The following ATXN7L1 variants were observed in gnomAD, a reference collection of about 807,000 sequenced individuals.
ATXN7L1 encodes ataxin-7-like protein 1.
ATXN7L1 carries 15 observed loss-of-function variants against 70.8 expected under a neutral mutation model. The observed-to-expected ratio is 0.21, with a 90% CI of 0.14 to 0.33. ATXN7L1 has a LOEUF of 0.33. ATXN7L1 is among the 10% of genes least tolerant of loss of function. The pLI is 1.00. For synonymous variants in ATXN7L1, 440 were observed against 445.1 expected (o/e 0.99, Z 0.14); for missense variants, 975 against 1,097.1 (o/e 0.89, Z 1.57).
intron 2 of ATXN7L1, among the ~76,000 whole-genome samples, chr7:105,836,738 G>C (rs924559225): frequency 8.5e-5 from 13 of 152,156 alleles, no homozygotes; most frequent in African/African-American, 3.1e-4. Context: ...CTGCTATAAA[G>C]AAATACCCGA....
chr7:105,772,592 A>G (rs1373030175), intron 3 of ATXN7L1, among the ~76,000 whole-genome samples: 1 of 152,198 alleles, frequency 6.6e-6, no homozygotes, highest in Non-Finnish European at 1.5e-5. Flanking sequence ...AAAAGACCTC[A>G]CAATTAAGCT....
chr7:105,731,756 A>AAGAAAAGAAAAGAAAAGAGAAG (rs879369717), intron 3 of ATXN7L1, among the ~76,000 whole-genome samples: 2 of 142,594 alleles, frequency 1.4e-5, no homozygotes, highest in South Asian at 2.3e-4. Flanking sequence ...TTAAAAAGAA[A>AAGAAAAGAAAAGAAAAGAGAAG]AGAAAAGAAA....
At chr7:105,781,377 T>G (rs541988222) in intron 3 of ATXN7L1, among the ~76,000 whole-genome samples, 11 of 152,360 alleles carry the variant, frequency 7.2e-5, no homozygotes, top group Admixed American at 5.2e-4. Flanking sequence ...CCAAATTGAC[T>G]GAAAATACAC....
At position 105,762,549 on chromosome 7, in the gene ATXN7L1, C is replaced by T. The variant is rs142711214; in HGVS notation, c.355+26055G>A. Among the ~76,000 whole-genome samples, 8 of 152,288 alleles carry T rather than the reference C, an allele frequency of 5.3e-5. No individual in the cohort carries two copies. In the East Asian group the frequency reaches 7.7e-4, roughly 15 times the overall value. On this transcript the variant is annotated intron_variant, in intron 3 of 11. Transcript: ENST00000419735. ...CCAAGCCCATGGAGAGTTTCTAATG[C>T]CCCTTCCCCTACCCAATCACCTTTC...
rs575670394 is a variant in ATXN7L1, at chr7:105,679,232, C to T, written c.356-13944G>A. The T allele has an allele frequency of 2.7e-4, 218 of 816,832 alleles. 1 individual carries two copies. The African/African-American group carries it at 3.8e-3, about 14-fold the overall frequency. 50.6% of individuals were successfully genotyped at this position (816,832 alleles called of 1,614,324 possible). On this transcript the variant is annotated intron_variant, in intron 3 of 11. Transcript: ENST00000419735. Reference sequence around the variant, plus strand: ...TTAGGGAAAGGCAGAAAGAAAAGCCCGGAACAGTCAGGGTTGTATCCTGAA... The same window carrying T: ...TTAGGGAAAGGCAGAAAGAAAAGCCTGGAACAGTCAGGGTTGTATCCTGAA...
chr7:105,623,439 C>A (rs1434644202), intron 8 of ATXN7L1, among the ~76,000 whole-genome samples: 2 of 152,188 alleles, frequency 1.3e-5, no homozygotes, highest in Non-Finnish European at 2.9e-5. Flanking sequence ...ACTAAGGTCC[C>A]ACCTCAGTGT....
At chr7:105,685,103 CCAGA>C (rs1025193183) in intron 3 of ATXN7L1, among the ~76,000 whole-genome samples, 2 of 150,748 alleles carry the variant, frequency 1.3e-5, no homozygotes, top group African/African-American at 4.9e-5. Flanking sequence ...TTTCCAATTC[CCAGA>C]CAAACTACCT....
At chr7:105,729,938 C>T (rs1796346171) in intron 3 of ATXN7L1, among the ~76,000 whole-genome samples, 2 of 152,000 alleles carry the variant, frequency 1.3e-5, no homozygotes, top group Non-Finnish European at 2.9e-5. Context: ...GGGGTTTCAC[C>T]GTGTTAGCCA....
At chr7:105,624,366 T>A in intron 7 of ATXN7L1, 99 bp from the exon 8 acceptor site, 1 of 1,195,246 alleles carries the variant, frequency 8.4e-7, no homozygotes, top group Non-Finnish European at 1.1e-6. Context: ...AACAGCCTGA[T>A]TAAGGCCAGG....
intron 2 of ATXN7L1, among the ~76,000 whole-genome samples, chr7:105,858,243 A>G (rs1816030051): frequency 6.6e-6 from 1 of 152,194 alleles, no homozygotes; most frequent in African/African-American, 2.4e-5. Flanking sequence ...AAAAAATGAA[A>G]ATGAAATAAA....
intron 3 of ATXN7L1, among the ~76,000 whole-genome samples, chr7:105,772,063 ATTTTTTTTTTTT>A (rs533366742): frequency 1.0e-5 from 1 of 99,788 alleles, no homozygotes; most frequent in African/African-American, 4.7e-5. Flanking sequence ...TCAGATTGGA[ATTTTTTTTTTTT>A]TTTTTTTTTT....
chr7:105,751,252 A>G (rs1405410210), intron 3 of ATXN7L1, among the ~76,000 whole-genome samples: 1 of 152,046 alleles, frequency 6.6e-6, no homozygotes, highest in African/African-American at 2.4e-5. Context: ...TAAAACTCTC[A>G]ATGGAGTTAT....
chr7:105,769,419 G>T (rs1054581320), intron 3 of ATXN7L1, among the ~76,000 whole-genome samples: 2 of 152,132 alleles, frequency 1.3e-5, no homozygotes, highest in African/African-American at 4.8e-5. Context: ...GTTCGTGCTT[G>T]ACTCTCTTAT....
At chr7:105,802,691 T>G (rs1807003452) in intron 2 of ATXN7L1, among the ~76,000 whole-genome samples, 1 of 152,166 alleles carries the variant, frequency 6.6e-6, no homozygotes. Context: ...ATCCCACCTT[T>G]CTGTAACACC....
At chr7:105,684,341 G>A (rs1163040973) in intron 3 of ATXN7L1, among the ~76,000 whole-genome samples, 1 of 152,108 alleles carries the variant, frequency 6.6e-6, no homozygotes, top group African/African-American at 2.4e-5. Context: ...TCTTTACAAA[G>A]CATCATTTTC....
intron 2 of ATXN7L1, among the ~76,000 whole-genome samples, chr7:105,834,466 T>C (rs555957183): frequency 1.3e-5 from 2 of 152,346 alleles, no homozygotes; most frequent in African/African-American, 4.8e-5. Flanking sequence ...TTTTACACTT[T>C]TATCAACAAC....
chr7:105,638,898 C>A (rs564530296), intron 6 of ATXN7L1, among the ~76,000 whole-genome samples: 1 of 152,100 alleles, frequency 6.6e-6, no homozygotes, highest in Non-Finnish European at 1.5e-5. Context: ...AAGGCAACTG[C>A]GAGGGAATGC....
At chr7:105,721,475 C>A (rs1483918607) in intron 3 of ATXN7L1, among the ~76,000 whole-genome samples, 2 of 152,228 alleles carry the variant, frequency 1.3e-5, no homozygotes, top group South Asian at 4.1e-4. Context: ...ATGCTCTGCG[C>A]AGGCCAGCTG....
chr7:105,609,152 C>T (rs1392922022), intron 11 of ATXN7L1, among the ~76,000 whole-genome samples: 1 of 152,098 alleles, frequency 6.6e-6, no homozygotes, highest in East Asian at 1.9e-4. Context: ...TGGACAGACA[C>T]CATGGGCAAG....
Sources: allele counts gnomAD v4.1 joint callset (sites outside exome capture counted in the v4.1 genomes callset), GRCh38; gene constraint gnomAD v4.1.1; transcripts MANE v1.5; gene names NCBI Gene and HGNC (gene_info 2026-07-23, HGNC 2026-07-21).